Variants in RASSF8 observed in about 807,000 individuals in gnomAD.
RASSF8 encodes Ras association domain family member 8, also known as ras association domain-containing protein 8.
RASSF8 carries 22 observed loss-of-function variants against 48.5 expected under a neutral mutation model. The ratio of observed to expected loss-of-function variants is 0.45; its 90% CI spans 0.32 to 0.65. RASSF8 has a LOEUF of 0.65. RASSF8 is among the 30% of genes least tolerant of loss of function. RASSF8 has a pLI of 0.03. For missense variants in RASSF8, 418 were observed against 489.2 expected (o/e 0.85, Z 1.37); for synonymous variants, 127 against 171.5 (o/e 0.74, Z 2.03).
chr12:25,997,381 A>G lies in RASSF8; in HGVS notation c.-109+2251A>G, dbSNP rs192728710. Among the ~76,000 whole-genome samples, 243 of 152,324 alleles carry G rather than the reference A, an allele frequency of 1.6e-3. 1 individual carries two copies. The highest frequency in any genetic ancestry group is 5.5e-3 in the African/African-American group (229 of 41,564). ...TTTTCCATACTTTCTGGAATGAAAC[A>G]TATGGCAGTAATGTACTGTGCCTCT... On this transcript the variant is annotated intron_variant, in intron 2 of 5. Transcript: ENST00000689635.
chr12:26,026,117 A>G (rs532608576), intron 2 of RASSF8, among the ~76,000 whole-genome samples: 2 of 152,348 alleles, frequency 1.3e-5, no homozygotes, highest in East Asian at 3.9e-4. Flanking sequence ...AAGCAACAAA[A>G]GAAAAGATAG....
chr12:26,022,234 A>G (rs764058026), intron 2 of RASSF8, among the ~76,000 whole-genome samples: 3 of 152,164 alleles, frequency 2.0e-5, no homozygotes. Flanking sequence ...TCCTGCTAAC[A>G]TGACACTGTC....
chr12:26,005,974 G>A lies in RASSF8; in HGVS notation c.-109+10844G>A, dbSNP rs548913806. ...TCATCTACTTCAATGTGTAGTCTTC[G>A]GTTTTGCCCTTTAAAGCTTTAAACG... On this transcript the variant is annotated intron_variant, in intron 2 of 5. Coordinates refer to ENST00000689635, the MANE Select transcript of RASSF8 (RefSeq NM_001394098.1). Among the ~76,000 whole-genome samples, 12 of 152,196 alleles carry A rather than the reference G, an allele frequency of 7.9e-5. 1 individual carries two copies. Among genetic ancestry groups the A allele is most frequent in the African/African-American group, 2.2e-4 (9 of 41,524 alleles).
chr12:25,985,597 G>A (rs1238359197), intron 1 of RASSF8, among the ~76,000 whole-genome samples: 1 of 152,230 alleles, frequency 6.6e-6, no homozygotes, highest in Non-Finnish European at 1.5e-5. Context: ...GGCAATTATC[G>A]AGGATCTGCA....
chr12:26,010,765 G>A (rs1460262168), intron 2 of RASSF8, among the ~76,000 whole-genome samples: 3 of 152,056 alleles, frequency 2.0e-5, no homozygotes, highest in South Asian at 2.1e-4. Context: ...AGGAGAGGGC[G>A]GGGAATGATT....
intron 2 of RASSF8, among the ~76,000 whole-genome samples, chr12:26,044,528 G>T (rs1943332189): frequency 6.6e-6 from 1 of 152,072 alleles, no homozygotes. Flanking sequence ...ATGTACTGTA[G>T]GTTAGGTTGT....
intron 1 of RASSF8, among the ~76,000 whole-genome samples, chr12:25,984,396 A>G (rs1330214169): frequency 6.6e-6 from 1 of 151,818 alleles, no homozygotes; most frequent in Non-Finnish European, 1.5e-5. Context: ...AGGCTGCAGT[A>G]TAGTGGCACG....
chr12:26,039,597 C>A (rs559737175), intron 2 of RASSF8, among the ~76,000 whole-genome samples: 1 of 152,116 alleles, frequency 6.6e-6, no homozygotes, highest in African/African-American at 2.4e-5. Context: ...AAGGTGTTAT[C>A]TCAGAGTTGT....
chr12:26,042,798 G>C (rs16929945), intron 2 of RASSF8, among the ~76,000 whole-genome samples: 6,641 of 152,156 alleles, frequency 0.044, 567 homozygotes, highest in East Asian at 0.27. Flanking sequence ...TCTTGAGATA[G>C]TGTGTTGGGA....
At chr12:25,970,780 TG>T (rs1187647478) in intron 1 of RASSF8, among the ~76,000 whole-genome samples, 1 of 152,208 alleles carries the variant, frequency 6.6e-6, no homozygotes, top group East Asian at 1.9e-4. Flanking sequence ...TCTCAGGCAC[TG>T]GGCACCAGGT....
intron 2 of RASSF8, among the ~76,000 whole-genome samples, chr12:26,051,594 T>C (rs1943491519): frequency 1.3e-5 from 2 of 152,196 alleles, no homozygotes; most frequent in African/African-American, 2.4e-5. Flanking sequence ...CAGAAATAAG[T>C]GCTATTCTTT....
At chr12:25,972,460 G>A (rs895690608) in intron 1 of RASSF8, among the ~76,000 whole-genome samples, 14 of 152,100 alleles carry the variant, frequency 9.2e-5, no homozygotes, top group Non-Finnish European at 1.8e-4. Context: ...AGTATTTATA[G>A]TAATAAACAT....
chr12:26,071,824 A>T lies in RASSF8; in HGVS notation c.*3006A>T. On this transcript the variant is annotated 3_prime_UTR_variant, in exon 6 of 6. Transcript: ENST00000689635. ...ACTATATAAATACAGTAAAAAAAAAATAGAATTTATGGTGTGAAATATGAA... is the reference window on the plus strand; with the variant it reads ...ACTATATAAATACAGTAAAAAAAAATTAGAATTTATGGTGTGAAATATGAA... The T allele has an allele frequency of 4.6e-6, 4 of 861,916 alleles. No homozygotes were observed. Among genetic ancestry groups the T allele is most frequent in the Non-Finnish European group, 5.6e-6 (4 of 717,508 alleles). The allele number at this position is 861,916 out of a possible 1,614,324, so 53.4% of individuals were successfully genotyped here.
chr12:25,968,660 T>C (rs1187586354), intron 1 of RASSF8, among the ~76,000 whole-genome samples: 3 of 152,208 alleles, frequency 2.0e-5, no homozygotes, highest in Non-Finnish European at 4.4e-5. Flanking sequence ...TTCATCCTTT[T>C]AGTTGTTCAT....
upstream of RASSF8, chr12:25,958,344 T>G (rs1391152964): frequency 2.0e-5 from 3 of 151,510 alleles, no homozygotes; most frequent in African/African-American, 4.8e-5. Flanking sequence ...CAGGCCTCGG[T>G]GCGTCGCGGG....
At chr12:25,989,946 C>T (rs958571118) in intron 1 of RASSF8, among the ~76,000 whole-genome samples, 7 of 152,094 alleles carry the variant, frequency 4.6e-5, no homozygotes, top group African/African-American at 9.7e-5. Context: ...CACCTGAACC[C>T]GGGAAGGTAC....
intron 2 of RASSF8, chr12:26,052,848 G>C (rs907567515): frequency 2.0e-5 from 3 of 152,020 alleles, no homozygotes; most frequent in African/African-American, 7.2e-5. Flanking sequence ...ATACTATGTT[G>C]AATTAATGAC....
chr12:26,051,621 A>G (rs1943492054), intron 2 of RASSF8, among the ~76,000 whole-genome samples: 1 of 152,230 alleles, frequency 6.6e-6, no homozygotes, highest in African/African-American at 2.4e-5. Flanking sequence ...TCTACAAAAT[A>G]TTGTACTCCC....
intron 1 of RASSF8, among the ~76,000 whole-genome samples, chr12:25,970,871 A>G (rs1321273056): frequency 6.6e-6 from 1 of 152,236 alleles, no homozygotes; most frequent in Non-Finnish European, 1.5e-5. Context: ...ACATGAAGAA[A>G]TGGTTCATCC....
Sources: gnomAD v4.1 joint callset for allele counts (sites outside exome capture counted in the v4.1 genomes callset) on GRCh38, gnomAD v4.1.1 for gene constraint, MANE v1.5 for transcripts, NCBI Gene and HGNC (gene_info 2026-07-23, HGNC 2026-07-21) for gene names.